Variants in MAU2 observed in about 807,000 individuals in gnomAD.
MAU2 encodes the protein MAU2 chromatid cohesion factor homolog.
A neutral mutation model predicts 89.1 loss-of-function variants in MAU2; 9 were observed. The ratio of observed to expected loss-of-function variants is 0.10; its 90% CI spans 0.06 to 0.18. The LOEUF (loss-of-function observed/expected upper bound fraction) is 0.18, where lower values mean the gene tolerates loss of function less well. Among genes scored for constraint, MAU2 ranks in the 10% least tolerant of loss-of-function variants. The pLI, the probability that MAU2 is intolerant of heterozygous loss-of-function variation, is 1.00. For synonymous variants in MAU2, 357 were observed against 343.4 expected (o/e 1.04, Z -0.44); for missense variants, 425 against 803.5 (o/e 0.53, Z 5.69).
chr19:19,354,516 T>C, intron 17 of MAU2, 71 bp downstream of exon 17: 21 of 1,361,840 alleles, frequency 1.5e-5, no homozygotes, highest in Middle Eastern at 1.9e-4. Context: ...CTGCTGGGCA[T>C]GTCCTGCTCA....
intron 1 of MAU2, 48 bp downstream of exon 1, chr19:19,321,183 G>C (rs761520963): frequency 2.6e-6 from 4 of 1,512,758 alleles, no homozygotes; most frequent in Non-Finnish European, 3.5e-6. Flanking sequence ...CTCCTTGCAA[G>C]ATCTGGGCTG....
chr19:19,340,999 G>A (rs554082078), intron 6 of MAU2, 126 bp downstream of exon 6: 2 of 1,280,506 alleles, frequency 1.6e-6, no homozygotes, highest in South Asian at 2.8e-5. Flanking sequence ...AGACCCTTAG[G>A]CACAGTGAGC....
chr19:19,334,367 T>G (rs1028934602), intron 1 of MAU2: 24 of 985,664 alleles, frequency 2.4e-5, no homozygotes, highest in Non-Finnish European at 2.9e-5. Flanking sequence ...GCTCGGGCTC[T>G]CTCCCACAGC....
intron 1 of MAU2, among the ~76,000 whole-genome samples, chr19:19,333,212 C>T (rs1370062289): frequency 6.6e-6 from 1 of 152,134 alleles, no homozygotes; most frequent in Non-Finnish European, 1.5e-5. Flanking sequence ...TGGCCAAGCA[C>T]GATGTCCAAC....
intron 5 of MAU2, 70 bp downstream of exon 5, chr19:19,339,009 C>A (rs899994826): frequency 1.6e-6 from 2 of 1,246,550 alleles, no homozygotes; most frequent in Non-Finnish European, 2.3e-6. Flanking sequence ...TGGTCCAGGA[C>A]AAATAACAGA....
rs1470155237 is a variant in MAU2 at position 19,320,865 on chromosome 19, G to T, written c.6G>T (p.Ala2=). 6.6e-7 allele frequency: 1 copy of T among 1,516,362 alleles called. No homozygotes were observed. Among genetic ancestry groups the T allele is most frequent in the East Asian group, 2.5e-5 (1 of 39,886 alleles). 93.9% of individuals were successfully genotyped at this position (1,516,362 alleles called of 1,614,324 possible). A position where few individuals can be genotyped will look rare whatever the true frequency, so the allele number is the denominator to read the frequency against. M[A]AQAAAAAQAA... Reference sequence around the variant, plus strand: ...TTGTTGTTGTGGAGGCCAAAATGGCGGCTCAGGCGGCGGCAGCGGCCCAGG... The same window carrying T: ...TTGTTGTTGTGGAGGCCAAAATGGCTGCTCAGGCGGCGGCAGCGGCCCAGG... The change falls in exon 1 of 19, where the codon GCG becomes GCT. Residue 2 remains alanine (A), a synonymous_variant. Coordinates refer to ENST00000262815, the MANE Select transcript of MAU2 (RefSeq NM_015329.4).
At chr19:19,353,342 C>G (rs2146712046) in intron 16 of MAU2, 1 of 152,344 alleles carries the variant, frequency 6.6e-6, no homozygotes, top group Non-Finnish European at 1.5e-5. Context: ...CACAATAAGC[C>G]AGGCCTAGCG....
chr19:19,343,897 T>C lies in MAU2; in HGVS notation c.1034T>C (p.Met345Thr). 1 of 1,613,482 alleles carries C rather than the reference T, an allele frequency of 6.2e-7. No individual in the cohort carries two copies. The highest frequency in any genetic ancestry group is 8.5e-7 in the Non-Finnish European group (1 of 1,180,020). ...GTGATCCTGCTGGAGCACATCATCATGTGCCGCCTTGTCACGGGTCACAAG... is the reference window on the plus strand; with the variant it reads ...GTGATCCTGCTGGAGCACATCATCACGTGCCGCCTTGTCACGGGTCACAAG... The part of the protein sequence containing the change: ...FQVILLEHII[M>T]CRLVTGHKAT... The change falls in exon 10 of 19, where the codon ATG becomes ACG. Residue 345 changes from methionine to threonine, a missense_variant. Physicochemically the swap from Met to Thr is moderately conservative, Grantham distance 81. Around this residue, in one of 11 missense-constraint regions of MAU2, gnomAD observed 39 missense variants for 56.3 expected, o/e 0.69. Coordinates refer to ENST00000262815, the MANE Select transcript of MAU2 (RefSeq NM_015329.4).
chr19:19,321,270 C>T, intron 1 of MAU2, 135 bp downstream of exon 1: 6 of 1,072,840 alleles, frequency 5.6e-6, no homozygotes, highest in Non-Finnish European at 7.6e-6. Flanking sequence ...GCCGCAGGAC[C>T]CCCACCCGCC....
chr19:19,349,220 A>G lies in MAU2; in HGVS notation c.1424A>G (p.Tyr475Cys). The G allele has an allele frequency of 1.2e-6, 2 of 1,614,188 alleles. No homozygotes were observed. The highest frequency in any genetic ancestry group is 1.7e-6 in the Non-Finnish European group (2 of 1,180,038). ...RGLFSFFQGR[Y>C]NEAKRFLRET... ...CTCTTCTCCTTCTTCCAGGGACGCTACAACGAGGCCAAGTAAGTGTGGGGC... is the reference window on the plus strand; with the variant it reads ...CTCTTCTCCTTCTTCCAGGGACGCTGCAACGAGGCCAAGTAAGTGTGGGGC... The change falls in exon 15 of 19, where the codon TAC (tyrosine) becomes TGC (cysteine). Residue 475 changes from tyrosine (Y) to cysteine (C), a missense_variant. This residue lies in a region of MAU2 where 66 missense variants were observed against 129.1 expected (regional missense o/e 0.51). Coordinates refer to ENST00000262815, the MANE Select transcript of MAU2 (RefSeq NM_015329.4).
At chr19:19,326,471 G>T (rs1460419811) in intron 1 of MAU2, among the ~76,000 whole-genome samples, 2 of 151,508 alleles carry the variant, frequency 1.3e-5, no homozygotes, top group Non-Finnish European at 2.9e-5. Flanking sequence ...CGGATCACGA[G>T]GTCAGGAGAT....
At position 19,340,660 on chromosome 19, in the gene MAU2, A is replaced by T. The variant is rs1357159855; in HGVS notation, c.552-186A>T. 3.3e-5 allele frequency among the ~76,000 whole-genome samples: 5 copies of T among 152,120 alleles called. No homozygotes were observed. The East Asian group carries it at 5.8e-4, about 18-fold the overall frequency. ...TCTCAAAAAAATAAATAAATAAATA[A>T]AAATAAAAATAAACACAGACACAAT... On this transcript the variant is annotated intron_variant, in intron 5 of 18. Transcript: ENST00000262815.
At chr19:19,349,002 C>G (rs907909680) in intron 14 of MAU2, 64 bp downstream of exon 14, 3 of 1,584,854 alleles carry the variant, frequency 1.9e-6, no homozygotes, top group Non-Finnish European at 2.6e-6. Context: ...GGTTGGGGCC[C>G]CTGACTGCCC....
intron 17 of MAU2, 94 bp downstream of exon 17, chr19:19,354,539 A>C: frequency 8.7e-7 from 1 of 1,144,676 alleles, no homozygotes; most frequent in Non-Finnish European, 1.3e-6. Flanking sequence ...CTTAGCTCGG[A>C]CTAGGCCTCC....
chr19:19,342,396 G>A, intron 7 of MAU2, 139 bp from the exon 8 acceptor site: 5 of 1,052,958 alleles, frequency 4.7e-6, no homozygotes, highest in African/African-American at 1.6e-5. Flanking sequence ...CGGCAGGGGC[G>A]GCTTCATCTT....
intron 17 of MAU2, 76 bp from the exon 18 acceptor site, chr19:19,355,188 C>G (rs2048163618): frequency 1.3e-6 from 2 of 1,578,730 alleles, no homozygotes; most frequent in Non-Finnish European, 8.6e-7. Context: ...GACCTTAGGG[C>G]TCCATCTGCA....
At chr19:19,328,458 G>A (rs1445225234) in intron 1 of MAU2, among the ~76,000 whole-genome samples, 5 of 146,056 alleles carry the variant, frequency 3.4e-5, no homozygotes, top group African/African-American at 1.3e-4. Context: ...GTCTCACTCT[G>A]TTGCCCAGGT....
intron 1 of MAU2, among the ~76,000 whole-genome samples, chr19:19,322,295 G>A (rs553468821): frequency 6.6e-5 from 10 of 152,222 alleles, no homozygotes; most frequent in African/African-American, 2.2e-4. Context: ...ACCGCGCCCG[G>A]CCCCTTTAAT....
Position 19,358,063 on chromosome 19 carries a change from C to T in MAU2, c.*2281C>T, listed in dbSNP as rs2048199035. 2.1e-5 allele frequency: 3 copies of T among 143,738 alleles called. No individual in the cohort carries two copies. Among genetic ancestry groups the T allele is most frequent in the South Asian group, 4.4e-4 (2 of 4,506 alleles). 8.9% of individuals were successfully genotyped at this position (143,738 alleles called of 1,614,324 possible). On this transcript the variant is annotated 3_prime_UTR_variant, in exon 19 of 19. Transcript: ENST00000262815. ...CGACACTGCACTCCAGCCTGGGTGA[C>T]GGTGAGACTTTGTCTCAAAAAAAAA...
Sources: allele counts gnomAD v4.1 joint callset (sites outside exome capture counted in the v4.1 genomes callset), GRCh38; gene constraint gnomAD v4.1.1; regional missense constraint gnomAD v4.1.1; transcripts MANE v1.5; gene names NCBI Gene and HGNC (gene_info 2026-07-23, HGNC 2026-07-21).